Variants in MAGI1 observed in about 807,000 individuals in gnomAD.
MAGI1 encodes membrane associated guanylate kinase, WW and PDZ domain containing 1, also known as membrane-associated guanylate kinase, WW and PDZ domain-containing protein 1.
A neutral mutation model predicts 139.9 loss-of-function variants in MAGI1; 58 were observed. The ratio of observed to expected loss-of-function variants is 0.41; its 90% CI spans 0.34 to 0.52. The LOEUF (loss-of-function observed/expected upper bound fraction) is 0.52, where lower values mean the gene tolerates loss of function less well. Ranked by LOEUF, MAGI1 falls within the 20% of genes least tolerant of loss-of-function variation. The pLI, the probability that MAGI1 is intolerant of heterozygous loss-of-function variation, is 0.12. For synonymous variants in MAGI1, 812 were observed against 737.9 expected (o/e 1.10, Z -1.63); for missense variants, 1,874 against 1,901.6 (o/e 0.99, Z 0.27).
chr3:65,734,527 G>A (rs1576935484), intron 1 of MAGI1, among the ~76,000 whole-genome samples: 1 of 143,202 alleles, frequency 7.0e-6, no homozygotes, highest in African/African-American at 2.9e-5. Flanking sequence ...AAGAGAGAAA[G>A]AGAGAGGGGG....
At chr3:65,460,394 T>C (rs1285238760) in intron 5 of MAGI1, among the ~76,000 whole-genome samples, 1 of 152,206 alleles carries the variant, frequency 6.6e-6, no homozygotes, top group African/African-American at 2.4e-5. Context: ...TTTTATTTTC[T>C]GGAAGACATT....
intron 3 of MAGI1, among the ~76,000 whole-genome samples, chr3:65,483,866 T>C (rs1192136526): frequency 1.3e-5 from 2 of 152,180 alleles, no homozygotes; most frequent in African/African-American, 2.4e-5. Flanking sequence ...CTGACACACA[T>C]TTAAAAATTA....
chr3:65,530,548 C>A (rs185848209), intron 2 of MAGI1, among the ~76,000 whole-genome samples: 4 of 150,174 alleles, frequency 2.7e-5, no homozygotes, highest in Non-Finnish European at 5.9e-5. Flanking sequence ...GCCCAGGAGG[C>A]AGAGGTTGCA....
At chr3:65,500,245 G>A (rs1198042415) in intron 2 of MAGI1, among the ~76,000 whole-genome samples, 2 of 151,994 alleles carry the variant, frequency 1.3e-5, no homozygotes, top group Non-Finnish European at 2.9e-5. Context: ...ACTTAAACAG[G>A]GTCCTTTTTA....
chr3:65,993,507 T>C (rs1435328791), intron 1 of MAGI1, among the ~76,000 whole-genome samples: 2 of 152,190 alleles, frequency 1.3e-5, no homozygotes, highest in African/African-American at 2.4e-5. Context: ...ATTCAACAAA[T>C]AGTTATGGGG....
At chr3:66,030,115 CT>C (rs2068513203) in intron 1 of MAGI1, among the ~76,000 whole-genome samples, 2 of 152,296 alleles carry the variant, frequency 1.3e-5, no homozygotes, top group South Asian at 4.1e-4. Flanking sequence ...CCCACATGTT[CT>C]TACTTGTAAA....
At chr3:65,376,175 C>G (rs1942503787) in intron 17 of MAGI1, among the ~76,000 whole-genome samples, 1 of 152,188 alleles carries the variant, frequency 6.6e-6, no homozygotes, top group African/African-American at 2.4e-5. Context: ...GCCATCCTTT[C>G]CAGATTCAAA....
intron 13 of MAGI1, among the ~76,000 whole-genome samples, chr3:65,399,763 T>C (rs1944706012): frequency 6.6e-6 from 1 of 152,236 alleles, no homozygotes; most frequent in African/African-American, 2.4e-5. Context: ...TCAATACCTA[T>C]TTGATAGCCT....
chr3:65,397,819 T>A (rs575518954), intron 13 of MAGI1, among the ~76,000 whole-genome samples: 1 of 152,328 alleles, frequency 6.6e-6, no homozygotes, highest in South Asian at 2.1e-4. Context: ...CACACTTTAA[T>A]CCCTATGAGG....
intron 2 of MAGI1, among the ~76,000 whole-genome samples, chr3:65,608,813 A>C (rs1321558297): frequency 6.6e-6 from 1 of 152,222 alleles, no homozygotes; most frequent in Non-Finnish European, 1.5e-5. Context: ...TTGTATAAGA[A>C]TGCTCACAAC....
intron 22 of MAGI1, among the ~76,000 whole-genome samples, chr3:65,357,774 C>G (rs773864589): frequency 6.6e-6 from 1 of 151,970 alleles, no homozygotes; most frequent in East Asian, 1.9e-4. Context: ...AAAAAAAATC[C>G]AGGGTAGCAG....
intron 2 of MAGI1, among the ~76,000 whole-genome samples, chr3:65,549,102 C>T (rs2079677187): frequency 6.6e-6 from 1 of 152,094 alleles, no homozygotes; most frequent in Admixed American, 6.5e-5. Context: ...CCCTGCGCTC[C>T]GGGGCGCGGG....
intron 2 of MAGI1, chr3:65,499,080 A>AAT: frequency 1.1e-6 from 1 of 946,318 alleles, no homozygotes; most frequent in Non-Finnish European, 1.3e-6. Context: ...AAAACAAAAA[A>AAT]CTCTCATATG....
chr3:65,957,204 T>C (rs979171579), intron 1 of MAGI1, among the ~76,000 whole-genome samples: 8 of 151,908 alleles, frequency 5.3e-5, no homozygotes, highest in Non-Finnish European at 8.8e-5. Flanking sequence ...GATATATGCA[T>C]GCTATAGTAT....
intron 1 of MAGI1, among the ~76,000 whole-genome samples, chr3:65,961,563 A>T (rs2064424689): frequency 6.6e-6 from 1 of 152,334 alleles, no homozygotes; most frequent in African/African-American, 2.4e-5. Context: ...ACCCTTAAAT[A>T]TGCTATGCAG....
At chr3:65,419,564 C>A (rs1946495941) in intron 12 of MAGI1, among the ~76,000 whole-genome samples, 1 of 152,182 alleles carries the variant, frequency 6.6e-6, no homozygotes, top group African/African-American at 2.4e-5. Flanking sequence ...AGATTCCAGA[C>A]AACTGCCTAC....
intron 1 of MAGI1, among the ~76,000 whole-genome samples, chr3:65,631,283 T>C (rs1187875047): frequency 6.6e-6 from 1 of 152,184 alleles, no homozygotes; most frequent in Non-Finnish European, 1.5e-5. Flanking sequence ...CAGCTTTGAG[T>C]GGAATACAGA....
intron 12 of MAGI1, among the ~76,000 whole-genome samples, chr3:65,413,911 A>T (rs1194232251): frequency 6.6e-6 from 1 of 152,236 alleles, no homozygotes; most frequent in East Asian, 1.9e-4. Context: ...TGGGAACAAG[A>T]TGTGTAACAA....
intron 1 of MAGI1, among the ~76,000 whole-genome samples, chr3:65,650,145 C>T (rs946450048): frequency 6.6e-5 from 10 of 152,178 alleles, no homozygotes; most frequent in Admixed American, 6.5e-4. Flanking sequence ...GTCTGCATTG[C>T]ACCTCATGCT....
Sources: gnomAD v4.1 joint callset for allele counts (sites outside exome capture counted in the v4.1 genomes callset) on GRCh38, gnomAD v4.1.1 for gene constraint, MANE v1.5 for transcripts, NCBI Gene and HGNC (gene_info 2026-07-23, HGNC 2026-07-21) for gene names.